The following A2M variants were observed in gnomAD, a reference collection of about 807,000 sequenced individuals.
A2M encodes the protein C3 and PZP-like alpha-2-macroglobulin domain-containing protein 5.
A neutral mutation model predicts 183.9 loss-of-function variants in A2M; 128 were observed. That is an observed-to-expected ratio of 0.70 (90% CI 0.60 to 0.81). The LOEUF is 0.81. Ranked by LOEUF, A2M falls within the 30% of genes least tolerant of loss-of-function variation. The probability of loss-of-function intolerance (pLI) is 0.00; values close to 1 mark genes in which losing one functional copy is unlikely to be tolerated. For missense variants in A2M, 1,495 were observed against 1,787.6 expected, an observed-to-expected ratio of 0.84 and a Z score of 2.95; for synonymous variants, 592 against 670.8, an observed-to-expected ratio of 0.88 and a Z score of 1.81.
rs750196637 is a variant in A2M at position 9,095,555 on chromosome 12, A to G, written c.1997T>C (p.Met666Thr). The G allele has an allele frequency of 3.1e-6, 5 of 1,612,262 alleles. No homozygotes were observed. In the African/African-American group the frequency reaches 6.7e-5, roughly 22 times the overall value. Residue 666 changes from methionine to threonine, a missense_variant, in exon 16 of 36, where the codon ATG becomes ACG. Transcript: ENST00000318602. ...GGAGTTTACCTCTAGGAAGCTGTAC[A>G]TATCCTTTTCATTTGTACTTGATAC... is the stretch of plus-strand genomic sequence containing the variant. ...TPVSSTNEKD[M>T]YSFLEDMGLK...
rs3026226 is a variant in A2M, at chr12:9,069,452, A to G, written c.4263+293T>C. 2.9e-3 allele frequency among the ~76,000 whole-genome samples: 444 copies of G among 152,252 alleles called. 1 individual carries two copies. The highest frequency in any genetic ancestry group is 0.01 in the African/African-American group (430 of 41,550). ...GACTAATCACAAGGGCTACTTCCTT[A>G]TATTACTGGGTATCCAAAAAACTTG... On this transcript the variant is annotated intron_variant, in intron 33 of 35. Coordinates refer to ENST00000318602, the MANE Select transcript of A2M (RefSeq NM_000014.6).
intron 34 of A2M, 113 bp from the exon 35 acceptor site, chr12:9,068,337 T>G: frequency 9.3e-7 from 1 of 1,077,540 alleles, no homozygotes; most frequent in Admixed American, 2.3e-5. Flanking sequence ...AAGAACAGTA[T>G]TGTACCAGAA....
intron 27 of A2M, 83 bp from the exon 28 acceptor site, chr12:9,077,019 A>G (rs1948768765): frequency 3.6e-6 from 5 of 1,379,578 alleles, no homozygotes; most frequent in Non-Finnish European, 4.8e-6. Flanking sequence ...ATCACAGCAC[A>G]GAAGTTTTTC....
At chr12:9,079,570 A>G in intron 24 of A2M, 69 bp downstream of exon 24, 8 of 1,435,176 alleles carry the variant, frequency 5.6e-6, no homozygotes, top group Non-Finnish European at 7.7e-6. Flanking sequence ...ATTCATAAGT[A>G]ACTGAAACCT....
rs1460861612 is a variant in A2M at position 9,077,544 on chromosome 12, C to T, written c.3277-124G>A. On this transcript the variant is annotated intron_variant, in intron 26 of 35. Transcript: ENST00000318602. Reference sequence around the variant, plus strand: ...TATCCATCCCTATAGGGCAAAGTATCACAATCAACTTTTGTTCTATCCCCT... The same window carrying T: ...TATCCATCCCTATAGGGCAAAGTATTACAATCAACTTTTGTTCTATCCCCT... 2.7e-6 allele frequency: 4 copies of T among 1,457,374 alleles called. No homozygotes were observed. The African/African-American group carries it at 5.6e-5, about 20-fold the overall frequency. The allele number at this position is 1,457,374 out of a possible 1,614,324, so 90.3% of individuals were successfully genotyped here. A position where few individuals can be genotyped will look rare whatever the true frequency, so the allele number is the denominator to read the frequency against.
intron 28 of A2M, 122 bp downstream of exon 28, chr12:9,076,634 A>G (rs1048584274): frequency 1.2e-6 from 1 of 847,194 alleles, no homozygotes; most frequent in South Asian, 1.9e-5. Flanking sequence ...GACAAAATAT[A>G]TATGATATAT....
In A2M at chr12:9,098,832, TTCC is replaced by T. The variant is rs1949467035; in HGVS notation, c.1702-79_1702-77del. The T allele has an allele frequency of 4.6e-6, 7 of 1,516,724 alleles. No individual in the cohort carries two copies. In the Admixed American group the frequency reaches 1.1e-4, roughly 25 times the overall value. The allele number at this position is 1,516,724 out of a possible 1,614,324, so 94.0% of individuals were successfully genotyped here. A position where few individuals can be genotyped will look rare whatever the true frequency, so the allele number is the denominator to read the frequency against. On this transcript the variant is annotated intron_variant, in intron 14 of 35. Transcript: ENST00000318602. ...TGCATTCACTCGCATTTGCAGAGTGTTCCTCATGTACAATGTATAACCACTCTG... is the reference window on the plus strand; with the variant it reads ...TGCATTCACTCGCATTTGCAGAGTGTTCATGTACAATGTATAACCACTCTG...
chr12:9,098,474 A>G (rs950020360), intron 15 of A2M, 133 bp downstream of exon 15: 34 of 919,598 alleles, frequency 3.7e-5, no homozygotes, highest in Middle Eastern at 3.6e-4. Context: ...GAAAGCCCAC[A>G]AGAGAGCTCA....
intron 4 of A2M, 57 bp from the exon 5 acceptor site, chr12:9,110,391 AT>A (rs1385803729): frequency 1.4e-5 from 16 of 1,138,110 alleles, no homozygotes; most frequent in Non-Finnish European, 1.8e-5. Context: ...CTTAAATCTC[AT>A]TTATAAGCAA....
intron 22 of A2M, among the ~76,000 whole-genome samples, chr12:9,086,885 G>A (rs1297210957): frequency 1.3e-5 from 2 of 152,122 alleles, no homozygotes; most frequent in African/African-American, 4.8e-5. Context: ...TATATTGGAA[G>A]CTCAAAAGAC....
At chr12:9,074,967 A>G (rs1279433124) in intron 28 of A2M, among the ~76,000 whole-genome samples, 184 bp from the exon 29 acceptor site, 1 of 152,202 alleles carries the variant, frequency 6.6e-6, no homozygotes, top group African/African-American at 2.4e-5. Flanking sequence ...TAAGGCAGAT[A>G]TTGATGCTGG....
intron 32 of A2M, 89 bp from the exon 33 acceptor site, chr12:9,069,902 C>A (rs1206491012): frequency 1.0e-5 from 11 of 1,083,334 alleles, no homozygotes; most frequent in Admixed American, 1.8e-5. Context: ...GCCAAAATAA[C>A]CCTGAGGGTA....
chr12:9,085,538 T>C (rs1164392280), intron 22 of A2M, among the ~76,000 whole-genome samples: 1 of 151,634 alleles, frequency 6.6e-6, no homozygotes, highest in Admixed American at 6.6e-5. Context: ...CTTATAACAA[T>C]AAACACCAAA....
rs1209777736 is a variant in A2M, at chr12:9,068,737, C to T, written c.4366+3G>A. ...TTTCTACGTGAAAATCACTCTCACTCACCCGTCTCGTAGTAATCATAGACT... is the reference window on the plus strand; with the variant it reads ...TTTCTACGTGAAAATCACTCTCACTTACCCGTCTCGTAGTAATCATAGACT... On this transcript the variant is annotated splice_donor_region_variant and intron_variant, in intron 34 of 35. Transcript: ENST00000318602. 2 of 1,590,590 alleles carry T rather than the reference C, an allele frequency of 1.3e-6. No homozygotes were observed. The highest frequency in any genetic ancestry group is 3.5e-5 in the Admixed American group (2 of 57,468).
In A2M at chr12:9,076,803, T is replaced by C. The variant is rs61730087; in HGVS notation, c.3485A>G (p.Lys1162Arg). ...AAGTGACTTGAGTACTTCCTTCCTC[T>C]TGTCCTGGTTACCTGCCAGGGCAAA... ...YAFALAGNQD[K>R]RKEVLKSLNE... The change falls in exon 28 of 36, where the codon AAG (lysine) becomes AGG (arginine). Residue 1162 changes from lysine to arginine, a missense_variant. Coordinates refer to ENST00000318602, the MANE Select transcript of A2M (RefSeq NM_000014.6). 1.5e-4 allele frequency: 240 copies of C among 1,613,994 alleles called. 3 individuals carry two copies. The African/African-American group carries it at 2.9e-3, about 20-fold the overall frequency.
chr12:9,098,614 G>T lies in A2M; in HGVS notation c.1844C>A (p.Ala615Glu). Residue 615 changes from alanine to glutamate, a missense_variant, in exon 15 of 36, where the codon GCG (alanine) becomes GAG (glutamate). Coordinates refer to ENST00000318602, the MANE Select transcript of A2M (RefSeq NM_000014.6). ...LLMKPDAELS[A>E]SSVYNLLPEK... ...AGGCTGCCAGGAACTCACCGAGGAC[G>T]CCGAGAGCTCAGCATCAGGCTTCAT... is the stretch of plus-strand genomic sequence containing the variant. 6.2e-7 allele frequency: 1 copy of T among 1,600,794 alleles called. No homozygotes were observed. The highest frequency in any genetic ancestry group is 8.5e-7 in the Non-Finnish European group (1 of 1,174,002).
chr12:9,102,723 A>G (rs2137896738), intron 11 of A2M, among the ~76,000 whole-genome samples: 1 of 152,304 alleles, frequency 6.6e-6, no homozygotes, highest in South Asian at 2.1e-4. Context: ...TTTGGTGACA[A>G]CACATATATG....
At chr12:9,089,082 C>A in intron 22 of A2M, 118 bp downstream of exon 22, 1 of 782,848 alleles carries the variant, frequency 1.3e-6, no homozygotes, top group South Asian at 1.9e-5. Context: ...TTGTCAAATG[C>A]ATTGATGGTG....
intron 33 of A2M, 54 bp downstream of exon 33, chr12:9,069,691 C>A: frequency 7.0e-7 from 1 of 1,423,728 alleles, no homozygotes; most frequent in South Asian, 1.2e-5. Flanking sequence ...CCAGATGTTC[C>A]CTTAGAGGAT....
Sources: gnomAD v4.1 joint callset for allele counts (sites outside exome capture counted in the v4.1 genomes callset) on GRCh38, gnomAD v4.1.1 for gene constraint, MANE v1.5 for transcripts, NCBI Gene and HGNC (gene_info 2026-07-23, HGNC 2026-07-21) for gene names.